The following CTNNA3 variants were observed in gnomAD, a reference collection of about 807,000 sequenced individuals.
CTNNA3 encodes catenin alpha 3.
In CTNNA3, 76 loss-of-function variants were observed where a neutral mutation model predicts 95.7. That is an observed-to-expected ratio of 0.79 (90% CI 0.66 to 0.96). CTNNA3 has a LOEUF of 0.96. Among genes scored for constraint, CTNNA3 ranks in the 40% least tolerant of loss-of-function variants. CTNNA3 has a pLI of 0.00. For missense variants in CTNNA3, 1,191 were observed against 1,089.8 expected (o/e 1.09, Z -1.31); for synonymous variants, 431 against 374.4 (o/e 1.15, Z -1.74).
At chr10:66,044,650 G>A (rs7917997) in intron 15 of CTNNA3, among the ~76,000 whole-genome samples, 50,789 of 151,742 alleles carry the variant, frequency 0.33, 8,502 homozygotes, top group South Asian at 0.42. Context: ...CTTTTTCATC[G>A]TCCAGCTATG....
chr10:66,283,525 A>G (rs1339955061), intron 12 of CTNNA3, among the ~76,000 whole-genome samples: 1 of 151,876 alleles, frequency 6.6e-6, no homozygotes, highest in Non-Finnish European at 1.5e-5. Flanking sequence ...GATTTAAGGA[A>G]TCTTACAAAA....
At chr10:67,084,966 A>G (rs1857222241) in intron 7 of CTNNA3, among the ~76,000 whole-genome samples, 1 of 151,944 alleles carries the variant, frequency 6.6e-6, no homozygotes, top group South Asian at 2.1e-4. Flanking sequence ...ATAAATATCA[A>G]GACATGTCAA....
chr10:67,735,961 C>G (rs1225632161), intron 1 of CTNNA3, among the ~76,000 whole-genome samples: 3 of 151,830 alleles, frequency 2.0e-5, no homozygotes, highest in African/African-American at 7.3e-5. Context: ...ATTATTCAGC[C>G]ATAAAAAGAA....
intron 15 of CTNNA3, among the ~76,000 whole-genome samples, chr10:65,997,248 T>G (rs1227233431): frequency 6.6e-6 from 1 of 152,172 alleles, no homozygotes; most frequent in Non-Finnish European, 1.5e-5. Context: ...GTTGAGAGTA[T>G]TGCTGAGATG....
chr10:66,192,174 G>C (rs891890932), intron 13 of CTNNA3, among the ~76,000 whole-genome samples: 1 of 152,094 alleles, frequency 6.6e-6, no homozygotes, highest in Non-Finnish European at 1.5e-5. Flanking sequence ...AAAAACCCCA[G>C]AGTGGTAAAA....
At chr10:66,767,215 A>C (rs1345265344) in intron 8 of CTNNA3, among the ~76,000 whole-genome samples, 1 of 152,174 alleles carries the variant, frequency 6.6e-6, no homozygotes, top group Admixed American at 6.5e-5. Context: ...TGGGAGGCCA[A>C]GGCAGGCGAA....
chr10:66,539,954 C>T (rs1446261472), intron 10 of CTNNA3, among the ~76,000 whole-genome samples: 1 of 151,990 alleles, frequency 6.6e-6, no homozygotes, highest in African/African-American at 2.4e-5. Flanking sequence ...TAGTCCTGGT[C>T]AATGTTTGTT....
At chr10:67,569,832 G>A (rs749000185) in intron 3 of CTNNA3, among the ~76,000 whole-genome samples, 19 of 152,016 alleles carry the variant, frequency 1.2e-4, no homozygotes, top group Non-Finnish European at 7.4e-5. Flanking sequence ...GTTCCTTTTT[G>A]CTCTTTAAAA....
intron 15 of CTNNA3, among the ~76,000 whole-genome samples, chr10:66,045,131 AAAC>A (rs989653435): frequency 1.3e-5 from 2 of 152,180 alleles, no homozygotes; most frequent in African/African-American, 4.8e-5. Context: ...ATGGGAGGAG[AAAC>A]AACAACAACT....
chr10:67,230,040 C>A (rs1187654558), intron 5 of CTNNA3, among the ~76,000 whole-genome samples: 3 of 152,146 alleles, frequency 2.0e-5, no homozygotes, highest in Non-Finnish European at 1.5e-5. Context: ...AAGAACAAAT[C>A]TGGAGGTATC....
intron 11 of CTNNA3, among the ~76,000 whole-genome samples, chr10:66,484,207 A>G (rs1406213595): frequency 7.0e-6 from 1 of 142,678 alleles, no homozygotes; most frequent in African/African-American, 2.9e-5. Flanking sequence ...TTGGAAAGGA[A>G]AAGCATGAAG....
intron 7 of CTNNA3, among the ~76,000 whole-genome samples, chr10:67,035,338 G>A (rs1045621271): frequency 2.0e-5 from 3 of 152,132 alleles, no homozygotes; most frequent in African/African-American, 7.2e-5. Context: ...AAAATATAAT[G>A]TTGAGAATGA....
At chr10:66,278,683 C>G (rs1442121756) in intron 13 of CTNNA3, among the ~76,000 whole-genome samples, 1 of 151,750 alleles carries the variant, frequency 6.6e-6, no homozygotes, top group Non-Finnish European at 1.5e-5. Context: ...TTTTTCCATC[C>G]CTAGATAGCT....
intron 9 of CTNNA3, among the ~76,000 whole-genome samples, chr10:66,688,386 T>C (rs1847379421): frequency 6.6e-6 from 1 of 152,164 alleles, no homozygotes; most frequent in South Asian, 2.1e-4. Context: ...AAAGTCGCCA[T>C]GCTTGTTTTC....
At chr10:67,545,012 G>C (rs1179196916) in intron 3 of CTNNA3, among the ~76,000 whole-genome samples, 1 of 151,988 alleles carries the variant, frequency 6.6e-6, no homozygotes, top group African/African-American at 2.4e-5. Context: ...CTCAAAATAA[G>C]CTGGGAAATA....
intron 7 of CTNNA3, among the ~76,000 whole-genome samples, chr10:66,945,371 G>A (rs1848223688): frequency 6.6e-6 from 1 of 152,136 alleles, no homozygotes; most frequent in Admixed American, 6.6e-5. Context: ...TAAACCTCAT[G>A]AACCAACCTC....
chr10:67,290,665 C>T (rs1050993243), intron 5 of CTNNA3, among the ~76,000 whole-genome samples: 1 of 152,114 alleles, frequency 6.6e-6, no homozygotes, highest in African/African-American at 2.4e-5. Flanking sequence ...ACATCACTAG[C>T]AGGATAACCA....
intron 12 of CTNNA3, among the ~76,000 whole-genome samples, chr10:66,297,842 CTGTT>C (rs777971499): frequency 5.3e-5 from 8 of 152,150 alleles, no homozygotes; most frequent in Non-Finnish European, 1.0e-4. Context: ...GGGCCACTGA[CTGTT>C]TGGGCACTTA....
chr10:66,814,050 G>T (rs1215362302), intron 7 of CTNNA3, among the ~76,000 whole-genome samples: 1 of 152,054 alleles, frequency 6.6e-6, no homozygotes, highest in Non-Finnish European at 1.5e-5. Flanking sequence ...CAAATTAGAT[G>T]GGGAAAATTC....
Sources: gnomAD v4.1 joint callset for allele counts (sites outside exome capture counted in the v4.1 genomes callset) on GRCh38, gnomAD v4.1.1 for gene constraint, MANE v1.5 for transcripts, NCBI Gene and HGNC (gene_info 2026-07-23, HGNC 2026-07-21) for gene names.